REDIC1: variants seen among roughly 807,000 people sequenced by gnomAD.
The protein encoded by REDIC1 is HEI10 Interacting Protein 1.
chr12:39,711,747 A>G, the REDIC1 span, among the ~76,000 whole-genome samples: 80,124 of 107,250 alleles, frequency 0.75, 30,162 homozygotes, highest in Non-Finnish European at 0.82. Context: ...ATGTGTGTAT[A>G]CACATGCATG....
At chr12:39,643,293 G>C in the REDIC1 span, among the ~76,000 whole-genome samples, 278 of 151,554 alleles carry the variant, frequency 1.8e-3, no homozygotes, top group African/African-American at 6.0e-3. Context: ...ATCATGGAGG[G>C]ATAACAAATA....
the REDIC1 span, among the ~76,000 whole-genome samples, chr12:39,751,748 T>C: frequency 1.3e-5 from 2 of 152,164 alleles, no homozygotes; most frequent in South Asian, 4.1e-4. Flanking sequence ...TCATGTCCTT[T>C]GTAGGGACAT....
the REDIC1 span, among the ~76,000 whole-genome samples, chr12:39,841,901 G>A: frequency 3.3e-5 from 5 of 151,998 alleles, no homozygotes; most frequent in Non-Finnish European, 4.4e-5. Context: ...ATTTTTGAGG[G>A]TGAATTTTAT....
the REDIC1 span, among the ~76,000 whole-genome samples, chr12:39,741,462 G>A: frequency 0.98 from 149,246 of 152,332 alleles, 73,122 homozygotes; most frequent in East Asian, 1. Context: ...GAAGAATTTT[G>A]TCATGCAGTT....
the REDIC1 span, among the ~76,000 whole-genome samples, chr12:39,852,437 G>A: frequency 6.6e-6 from 1 of 152,134 alleles, no homozygotes; most frequent in Non-Finnish European, 1.5e-5. Context: ...GAAATTACTG[G>A]TTTGCTTAGT....
the REDIC1 span, among the ~76,000 whole-genome samples, chr12:39,750,676 A>G: frequency 6.6e-6 from 1 of 152,242 alleles, no homozygotes; most frequent in Non-Finnish European, 1.5e-5. Flanking sequence ...ACAAGGCTAC[A>G]GTAACTAAAA....
the REDIC1 span, among the ~76,000 whole-genome samples, chr12:39,891,283 A>G: frequency 1.3e-5 from 2 of 151,496 alleles, no homozygotes; most frequent in Non-Finnish European, 2.9e-5. Flanking sequence ...GCACTGTGTG[A>G]TAACTGCTTC....
the REDIC1 span, among the ~76,000 whole-genome samples, chr12:39,677,238 G>T: frequency 6.6e-6 from 1 of 152,130 alleles, no homozygotes; most frequent in Non-Finnish European, 1.5e-5. Flanking sequence ...TTAAGGGGAA[G>T]AGGTGGAAAA....
chr12:39,687,049 C>A, the REDIC1 span, among the ~76,000 whole-genome samples: 1 of 152,176 alleles, frequency 6.6e-6, no homozygotes, highest in African/African-American at 2.4e-5. Context: ...CCTCCTCAGC[C>A]TCAACTTCAC....
At chr12:39,686,616 T>C in the REDIC1 span, among the ~76,000 whole-genome samples, 1 of 152,242 alleles carries the variant, frequency 6.6e-6, no homozygotes, top group Non-Finnish European at 1.5e-5. Context: ...TGAAATGCCA[T>C]TGAGACCTAT....
chr12:39,785,174 C>G, the REDIC1 span, among the ~76,000 whole-genome samples: 1 of 152,252 alleles, frequency 6.6e-6, no homozygotes, highest in South Asian at 2.1e-4. Flanking sequence ...CACAGCAGCC[C>G]CTCCCATCAC....
chr12:39,719,734 T>A, the REDIC1 span, among the ~76,000 whole-genome samples: 3 of 152,186 alleles, frequency 2.0e-5, no homozygotes, highest in Admixed American at 6.6e-5. Flanking sequence ...TAAAGAAGCA[T>A]GTTTAGATTT....
chr12:39,896,984 T>C, the REDIC1 span, among the ~76,000 whole-genome samples: 1 of 151,806 alleles, frequency 6.6e-6, no homozygotes, highest in Admixed American at 6.6e-5. Flanking sequence ...ACCAGGGAGG[T>C]GAGGGGTTTA....
At chr12:39,732,957 G>T in the REDIC1 span, among the ~76,000 whole-genome samples, 8 of 151,920 alleles carry the variant, frequency 5.3e-5, no homozygotes, top group African/African-American at 1.7e-4. Context: ...ATTTCTCCAA[G>T]AAGTCTTCAT....
chr12:39,816,012 T>C, the REDIC1 span, among the ~76,000 whole-genome samples: 1 of 152,222 alleles, frequency 6.6e-6, no homozygotes, highest in Non-Finnish European at 1.5e-5. Context: ...TTCAATTAGC[T>C]ATTCTCTAGA....
the REDIC1 span, among the ~76,000 whole-genome samples, chr12:39,766,831 T>G: frequency 6.6e-6 from 1 of 152,078 alleles, no homozygotes; most frequent in African/African-American, 2.4e-5. Context: ...TATCATGAGA[T>G]TGCAGCAATT....
At chr12:39,665,554 G>A in the REDIC1 span, among the ~76,000 whole-genome samples, 6 of 145,432 alleles carry the variant, frequency 4.1e-5, no homozygotes, top group Non-Finnish European at 7.6e-5. Flanking sequence ...TTGGCGATGC[G>A]GGCTCTTTTT....
the REDIC1 span, among the ~76,000 whole-genome samples, chr12:39,883,701 C>A: frequency 6.6e-6 from 1 of 152,094 alleles, no homozygotes; most frequent in East Asian, 1.9e-4. Flanking sequence ...TAAAACTTTG[C>A]AAGAACTTTC....
the REDIC1 span, among the ~76,000 whole-genome samples, chr12:39,712,100 ACCTGT>A: frequency 8.9e-6 from 1 of 112,898 alleles, no homozygotes; most frequent in Non-Finnish European, 1.9e-5. Flanking sequence ...ATACATATAT[ACCTGT>A]ATATATACCT....
Sources: gnomAD v4.1 joint callset for allele counts (sites outside exome capture counted in the v4.1 genomes callset) on GRCh38, gnomAD v4.1.1 for gene constraint, MANE v1.5 for transcripts, NCBI Gene and HGNC (gene_info 2026-07-23, HGNC 2026-07-21) for gene names.